The following INTS12 variants were observed in gnomAD, a reference collection of about 807,000 sequenced individuals.
INTS12 encodes the protein PHD finger protein 22.
INTS12 carries 13 observed loss-of-function variants against 41.6 expected under a neutral mutation model. The observed-to-expected ratio is 0.31, with a 90% CI of 0.20 to 0.50. The LOEUF (loss-of-function observed/expected upper bound fraction) is 0.50. Ranked by LOEUF, INTS12 falls within the 20% of genes least tolerant of loss-of-function variation. The pLI is 0.98. For synonymous variants in INTS12, 199 were observed against 191.4 expected, an observed-to-expected ratio of 1.04 and a Z score of -0.33; for missense variants, 432 against 541.6, an observed-to-expected ratio of 0.80 and a Z score of 2.01.
In INTS12 at chr4:105,682,685, A is replaced by G; in HGVS notation, c.*48T>C. On this transcript the variant is annotated 3_prime_UTR_variant, in exon 8 of 8. Transcript: ENST00000340139. The stretch of plus-strand genomic sequence containing the variant: ...TATTACAGATTATATCATAATAATA[A>G]GCCTTTCATCTTTAGGCTAATATGA... 7.5e-7 allele frequency: 1 copy of G among 1,333,478 alleles called. No homozygotes were observed. The highest frequency in any genetic ancestry group is 1.1e-6 in the Non-Finnish European group (1 of 939,052). 82.6% of individuals were successfully genotyped at this position (1,333,478 alleles called of 1,614,324 possible).
rs925755861 is a variant in INTS12 at position 105,703,639 on chromosome 4, T to C, written c.-10+9A>G. On this transcript the variant is annotated intron_variant, in intron 2 of 7. Transcript: ENST00000340139. Reference sequence around the variant, plus strand: ...AAACTCTAAGTGCAACTGGGAGGAATATACATACATTCTATCTTCAGAATC... The same window carrying C: ...AAACTCTAAGTGCAACTGGGAGGAACATACATACATTCTATCTTCAGAATC... 6.6e-5 allele frequency: 10 copies of C among 152,370 alleles called. No homozygotes were observed. Among genetic ancestry groups the C allele is most frequent in the South Asian group, 6.2e-4 (3 of 4,832 alleles). 9.4% of individuals were successfully genotyped at this position (152,370 alleles called of 1,614,324 possible). A position where few individuals can be genotyped will look rare whatever the true frequency, so the allele number is the denominator to read the frequency against.
Position 105,693,282 on chromosome 4 carries a change from G to T in INTS12, c.497+17C>A, listed in dbSNP as rs773690168. On this transcript the variant is annotated intron_variant, in intron 5 of 7. Transcript: ENST00000340139. ...TTTATAAAGTAACAAAAGAATCTGT[G>T]GCAAGGTACAACTTACCTACAAACA... 2.6e-6 allele frequency: 4 copies of T among 1,556,094 alleles called. No homozygotes were observed. The highest frequency in any genetic ancestry group is 3.5e-6 in the Non-Finnish European group (4 of 1,140,590).
chr4:105,697,413 T>C (rs1366717253), intron 3 of INTS12, among the ~76,000 whole-genome samples: 2 of 151,792 alleles, frequency 1.3e-5, no homozygotes, highest in Admixed American at 1.3e-4. Context: ...TGGTTACCTC[T>C]GAGGGGGGAA....
At chr4:105,705,069 T>C (rs1457633167) in intron 1 of INTS12, among the ~76,000 whole-genome samples, 2 of 152,170 alleles carry the variant, frequency 1.3e-5, no homozygotes, top group African/African-American at 4.8e-5. Flanking sequence ...TCTCCAATTC[T>C]CTACATCAGG....
Position 105,689,161 on chromosome 4 carries a change from T to TAG in INTS12, c.658-2325_658-2324dup, listed in dbSNP as rs1441676167. Among the ~76,000 whole-genome samples, 3 of 152,202 alleles carry TAG rather than the reference T, an allele frequency of 2.0e-5. No individual in the cohort carries two copies. The East Asian group carries it at 5.8e-4, about 29-fold the overall frequency. ...GCTGGGGAAAAACTCCACTACTGCG[T>TAG]AGAGAGAAAACTATAGAACTGAAGA... On this transcript the variant is annotated intron_variant, in intron 6 of 7. Coordinates refer to ENST00000340139, the MANE Select transcript of INTS12 (RefSeq NM_020395.4).
chr4:105,692,153 T>G lies in INTS12; in HGVS notation c.498-18A>C, dbSNP rs371654175. On this transcript the variant is annotated intron_variant, in intron 5 of 7. Transcript: ENST00000340139. ...TCATTTGCCTAAGAAAACATACCAT[T>G]AAACATTACACTACTTTTTTAAATG... is the stretch of plus-strand genomic sequence containing the variant. 6.2e-7 allele frequency: 1 copy of G among 1,604,108 alleles called. No individual in the cohort carries two copies. The highest frequency in any genetic ancestry group is 8.5e-7 in the Non-Finnish European group (1 of 1,174,270).
chr4:105,706,173 C>T (rs1732254360), intron 1 of INTS12: 1 of 150,704 alleles, frequency 6.6e-6, no homozygotes, highest in African/African-American at 2.4e-5. Flanking sequence ...GCAGTTTCTT[C>T]TTGGTAATCT....
intron 4 of INTS12, among the ~76,000 whole-genome samples, chr4:105,693,838 C>T (rs914820528): frequency 6.6e-6 from 1 of 152,030 alleles, no homozygotes; most frequent in Non-Finnish European, 1.5e-5. Flanking sequence ...AAAGCAAATT[C>T]GGATTCCCTT....
chr4:105,703,970 T>C (rs1732173751), intron 1 of INTS12, among the ~76,000 whole-genome samples, 161 bp from the exon 2 acceptor site: 1 of 152,144 alleles, frequency 6.6e-6, no homozygotes, highest in African/African-American at 2.4e-5. Context: ...TATCTCTTCT[T>C]GTCCCCTCTT....
intron 1 of INTS12, chr4:105,708,056 C>T (rs1476676269): frequency 2.0e-6 from 2 of 985,434 alleles, no homozygotes; most frequent in South Asian, 9.4e-5. Context: ...TTCATGACTT[C>T]GCAAGCTCTT....
chr4:105,698,401 G>T (rs1027339752), intron 3 of INTS12, among the ~76,000 whole-genome samples: 5 of 152,092 alleles, frequency 3.3e-5, no homozygotes, highest in Non-Finnish European at 7.3e-5. Context: ...AAATGGACCT[G>T]GGCTTTAAAA....
intron 6 of INTS12, among the ~76,000 whole-genome samples, chr4:105,687,884 T>C (rs1731550897): frequency 6.6e-6 from 1 of 151,934 alleles, no homozygotes; most frequent in Non-Finnish European, 1.5e-5. Flanking sequence ...ACCCATTAGG[T>C]GGAGGTTGCA....
intron 2 of INTS12, among the ~76,000 whole-genome samples, chr4:105,700,706 AACACACACACAC>A (rs767514862): frequency 5.2e-5 from 7 of 134,752 alleles, no homozygotes; most frequent in Non-Finnish European, 7.9e-5. Flanking sequence ...ATCTACTTAA[AACACACACACAC>A]ACACACACAC....
intron 1 of INTS12, among the ~76,000 whole-genome samples, chr4:105,704,832 C>T (rs1412849090): frequency 6.6e-6 from 1 of 152,154 alleles, no homozygotes; most frequent in Non-Finnish European, 1.5e-5. Context: ...AATTCAATAA[C>T]CAAACCTCTT....
chr4:105,686,291 G>A (rs910584103), intron 7 of INTS12, among the ~76,000 whole-genome samples: 13 of 152,142 alleles, frequency 8.5e-5, no homozygotes, highest in African/African-American at 2.9e-4. Context: ...GTTTCATCAT[G>A]TTGGCCAGGC....
intron 1 of INTS12, chr4:105,708,168 A>T (rs984739712): frequency 1.0e-6 from 1 of 985,338 alleles, no homozygotes; most frequent in Non-Finnish European, 1.2e-6. Flanking sequence ...GACACCTGGA[A>T]TCGCAGGAGA....
chr4:105,695,458 T>G (rs1731827802), intron 4 of INTS12, 58 bp downstream of exon 4: 2 of 1,385,660 alleles, frequency 1.4e-6, no homozygotes, highest in Non-Finnish European at 1.0e-6. Flanking sequence ...CATTGTTTCT[T>G]TCTGCTTATG....
chr4:105,703,160 G>C (rs1209975665), intron 2 of INTS12: 2 of 253,774 alleles, frequency 7.9e-6, no homozygotes, highest in Non-Finnish European at 1.2e-5. Flanking sequence ...CTATGGATTA[G>C]AGTTCTAGAA....
At chr4:105,684,486 C>A (rs375256586) in intron 7 of INTS12, among the ~76,000 whole-genome samples, 2 of 152,040 alleles carry the variant, frequency 1.3e-5, no homozygotes, top group South Asian at 4.2e-4. Context: ...CTCTTGAAAT[C>A]AAGGTAGCCT....
Sources: gnomAD v4.1 joint callset for allele counts (sites outside exome capture counted in the v4.1 genomes callset) on GRCh38, gnomAD v4.1.1 for gene constraint, MANE v1.5 for transcripts, NCBI Gene and HGNC (gene_info 2026-07-23, HGNC 2026-07-21) for gene names.